TMCC1: variants seen among roughly 807,000 people sequenced by gnomAD.
TMCC1 encodes transmembrane and coiled-coil domain family 1.
In TMCC1, 15 loss-of-function variants were observed where a neutral mutation model predicts 52.4. That is an observed-to-expected ratio of 0.29 (90% CI 0.19 to 0.44). The LOEUF (loss-of-function observed/expected upper bound fraction) is 0.44, where lower values mean the gene tolerates loss of function less well. Ranked by LOEUF, TMCC1 falls within the 20% of genes least tolerant of loss-of-function variation. TMCC1 has a pLI of 1.00. For synonymous variants in TMCC1, 279 were observed against 301.9 expected (o/e 0.92, Z 0.79); for missense variants, 503 against 806.0 (o/e 0.62, Z 4.55).
chr3:129,791,026 A>G (rs1257458582), intron 4 of TMCC1, among the ~76,000 whole-genome samples: 1 of 152,022 alleles, frequency 6.6e-6, no homozygotes, highest in Non-Finnish European at 1.5e-5. Context: ...ATTGTTTTCT[A>G]TCGTAGATAA....
At chr3:129,720,659 C>T (rs1000957799) in intron 4 of TMCC1, among the ~76,000 whole-genome samples, 3 of 151,988 alleles carry the variant, frequency 2.0e-5, no homozygotes, top group Admixed American at 2.0e-4. Context: ...ATGGCTGACT[C>T]AAAATTGTGA....
At chr3:129,760,991 C>T (rs931167766) in intron 4 of TMCC1, among the ~76,000 whole-genome samples, 6 of 152,038 alleles carry the variant, frequency 3.9e-5, no homozygotes, top group Non-Finnish European at 8.8e-5. Context: ...TGCATGCACA[C>T]GCATCCATGT....
At chr3:129,653,667 T>C (rs993631323) in intron 6 of TMCC1, among the ~76,000 whole-genome samples, 1 of 152,094 alleles carries the variant, frequency 6.6e-6, no homozygotes, top group Non-Finnish European at 1.5e-5. Flanking sequence ...CTTGATCTCC[T>C]GACCTTGTGA....
chr3:129,791,592 C>G (rs373704793), intron 4 of TMCC1, among the ~76,000 whole-genome samples: 158 of 152,172 alleles, frequency 1.0e-3, no homozygotes, highest in African/African-American at 3.4e-3. Flanking sequence ...TTGACAGGTT[C>G]TAGACTATTT....
chr3:129,752,557 T>C (rs1255386467), intron 4 of TMCC1, among the ~76,000 whole-genome samples: 1 of 151,874 alleles, frequency 6.6e-6, no homozygotes, highest in Admixed American at 6.6e-5. Context: ...TCCCAGCTAC[T>C]AGGGAGGCTG....
chr3:129,873,357 G>C (rs1427595743), intron 2 of TMCC1, among the ~76,000 whole-genome samples: 1 of 147,704 alleles, frequency 6.8e-6, no homozygotes, highest in Non-Finnish European at 1.5e-5. Context: ...TACATAACAT[G>C]AAACACTATG....
intron 4 of TMCC1, among the ~76,000 whole-genome samples, chr3:129,778,289 T>C (rs571048722): frequency 9.9e-4 from 151 of 152,288 alleles, no homozygotes; most frequent in African/African-American, 3.4e-3. Context: ...GGGTCTGCAA[T>C]AAAAAACAAT....
At chr3:129,805,287 C>G (rs2057399230) in intron 4 of TMCC1, among the ~76,000 whole-genome samples, 1 of 152,094 alleles carries the variant, frequency 6.6e-6, no homozygotes, top group African/African-American at 2.4e-5. Context: ...TTCAGCCTCC[C>G]AAGTAGCTGA....
chr3:129,669,456 C>T (rs975020176), intron 5 of TMCC1, among the ~76,000 whole-genome samples: 12 of 150,182 alleles, frequency 8.0e-5, no homozygotes, highest in African/African-American at 2.5e-4. Context: ...TTTTTTGAGA[C>T]GGAGTTTCGC....
chr3:129,706,622 A>G (rs1301146879), intron 4 of TMCC1, among the ~76,000 whole-genome samples: 1 of 152,216 alleles, frequency 6.6e-6, no homozygotes, highest in Non-Finnish European at 1.5e-5. Context: ...ACTTCCTACT[A>G]GCATTCAAGT....
chr3:129,762,480 C>T (rs534710400), intron 4 of TMCC1, among the ~76,000 whole-genome samples: 1 of 152,278 alleles, frequency 6.6e-6, no homozygotes, highest in South Asian at 2.1e-4. Context: ...CCTCTTCTCA[C>T]TTTTTCTCTG....
At position 129,852,537 on chromosome 3, in the gene TMCC1, G is replaced by A. The variant is rs530400470; in HGVS notation, c.-183-19711C>T. 1.8e-4 allele frequency among the ~76,000 whole-genome samples: 27 copies of A among 151,368 alleles called. No individual in the cohort carries two copies. The South Asian group carries it at 5.4e-3, about 30-fold the overall frequency. On this transcript the variant is annotated intron_variant, in intron 2 of 6. Transcript: ENST00000393238. ...AGATGAACCTTTAGATGAACCTTGA[G>A]GACAGACATAAAATAAGCCAATCAC...
In TMCC1 at chr3:129,807,377, T is replaced by C. The variant is rs1380719849; in HGVS notation, c.576+20426A>G. On this transcript the variant is annotated intron_variant, in intron 4 of 6. Coordinates refer to ENST00000393238, the MANE Select transcript of TMCC1 (RefSeq NM_001017395.5). ...AAATATAAAATACAGAATATAAAAATATTGAAAGAAGTTTTTTAAAACCAG... is the reference window on the plus strand; with the variant it reads ...AAATATAAAATACAGAATATAAAAACATTGAAAGAAGTTTTTTAAAACCAG... 4.6e-5 allele frequency among the ~76,000 whole-genome samples: 7 copies of C among 152,232 alleles called. 1 individual carries two copies. In the East Asian group the frequency reaches 1.3e-3, roughly 29 times the overall value.
chr3:129,721,726 A>AAT (rs1560267327), intron 4 of TMCC1, among the ~76,000 whole-genome samples: 1 of 145,672 alleles, frequency 6.9e-6, no homozygotes, highest in Admixed American at 6.8e-5. Flanking sequence ...AAAAAAAAAA[A>AAT]TTAGCTGGGC....
At chr3:129,772,744 A>C (rs1048086471) in intron 4 of TMCC1, among the ~76,000 whole-genome samples, 1 of 141,676 alleles carries the variant, frequency 7.1e-6, no homozygotes, top group Non-Finnish European at 1.5e-5. Context: ...AAAAAAAAAA[A>C]CTGATTCACA....
intron 4 of TMCC1, among the ~76,000 whole-genome samples, chr3:129,713,372 G>A (rs1009047045): frequency 1.3e-5 from 2 of 152,046 alleles, no homozygotes; most frequent in African/African-American, 2.4e-5. Flanking sequence ...AGATTAACAG[G>A]CAAAAACTGG....
intron 4 of TMCC1, among the ~76,000 whole-genome samples, chr3:129,804,112 T>C (rs1408966253): frequency 6.6e-6 from 1 of 151,978 alleles, no homozygotes; most frequent in Non-Finnish European, 1.5e-5. Context: ...CTGGTAAAAA[T>C]AAAAGCCCCA....
intron 4 of TMCC1, among the ~76,000 whole-genome samples, chr3:129,724,663 C>T (rs1560274171): frequency 6.6e-6 from 1 of 152,122 alleles, no homozygotes; most frequent in Non-Finnish European, 1.5e-5. Flanking sequence ...GAAATTCTTC[C>T]TCCAAAGAAG....
At chr3:129,661,770 C>T (rs1223068788) in intron 5 of TMCC1, among the ~76,000 whole-genome samples, 1 of 152,062 alleles carries the variant, frequency 6.6e-6, no homozygotes, top group African/African-American at 2.4e-5. Flanking sequence ...CCACTGCACT[C>T]CAGCCTGGGT....
Sources: allele counts gnomAD v4.1 joint callset (sites outside exome capture counted in the v4.1 genomes callset), GRCh38; gene constraint gnomAD v4.1.1; transcripts MANE v1.5; gene names NCBI Gene and HGNC (gene_info 2026-07-23, HGNC 2026-07-21).